GRID2: variants seen among roughly 807,000 people sequenced by gnomAD.
The protein encoded by GRID2 is glutamate ionotropic receptor delta type subunit 2.
In GRID2, 33 loss-of-function variants were observed where a neutral mutation model predicts 114.8. The observed-to-expected ratio is 0.29, with a 90% CI of 0.22 to 0.38. GRID2 has a LOEUF of 0.38. Among genes scored for constraint, GRID2 ranks in the 10% least tolerant of loss-of-function variants. GRID2 has a pLI of 1.00. For missense variants in GRID2, 1,184 were observed against 1,257.7 expected (o/e 0.94, Z 0.89); for synonymous variants, 505 against 449.9 (o/e 1.12, Z -1.55).
chr4:92,869,622 C>G (rs1202462655), intron 2 of GRID2, among the ~76,000 whole-genome samples: 1 of 152,034 alleles, frequency 6.6e-6, no homozygotes, highest in Non-Finnish European at 1.5e-5. Flanking sequence ...CTTATAAAGC[C>G]CGACATTATC....
chr4:92,657,491 C>T (rs1241142390), intron 2 of GRID2, among the ~76,000 whole-genome samples: 1 of 151,262 alleles, frequency 6.6e-6, no homozygotes, highest in Non-Finnish European at 1.5e-5. Flanking sequence ...TAATGTTTTA[C>T]AAATATGTAT....
rs145773532 is a variant in GRID2 at position 93,285,379 on chromosome 4, A to T, written c.1245+46889A>T. Among the ~76,000 whole-genome samples, 55 of 152,234 alleles carry T rather than the reference A, an allele frequency of 3.6e-4. No individual in the cohort carries two copies. The East Asian group carries it at 8.9e-3, about 25-fold the overall frequency. On this transcript the variant is annotated intron_variant, in intron 8 of 15. Coordinates refer to ENST00000282020, the MANE Select transcript of GRID2 (RefSeq NM_001510.4). ...TTTTATATTTCTGTGTAAGAAAAAT[A>T]GTGAATCTTTTCTATATAAACCTTT...
At chr4:92,343,359 T>C (rs1286854380) in intron 1 of GRID2, among the ~76,000 whole-genome samples, 1 of 151,974 alleles carries the variant, frequency 6.6e-6, no homozygotes, top group African/African-American at 2.4e-5. Flanking sequence ...ATACACATTA[T>C]AAATGTACAC....
chr4:93,487,705 G>A (rs917582876), intron 11 of GRID2, among the ~76,000 whole-genome samples: 22 of 151,784 alleles, frequency 1.4e-4, no homozygotes, highest in Non-Finnish European at 2.4e-4. Flanking sequence ...GCCCCTCAGG[G>A]AAAACCATTT....
chr4:92,589,990 A>G (rs571669670), intron 1 of GRID2, 141 bp from the exon 2 acceptor site: 2 of 605,130 alleles, frequency 3.3e-6, no homozygotes, highest in Admixed American at 3.0e-5. Flanking sequence ...TTCCAGTACA[A>G]TGTGTTTCAT....
At chr4:93,071,814 T>A (rs149154029) in intron 2 of GRID2, among the ~76,000 whole-genome samples, 25 of 152,298 alleles carry the variant, frequency 1.6e-4, no homozygotes, top group African/African-American at 6.0e-4. Context: ...TTTCTTTATG[T>A]AGTGTGTGTG....
intron 1 of GRID2, among the ~76,000 whole-genome samples, chr4:92,510,804 G>A (rs1018195238): frequency 6.7e-6 from 1 of 149,200 alleles, no homozygotes; most frequent in Admixed American, 6.7e-5. Flanking sequence ...GCATATATAC[G>A]TATTAAAACA....
intron 4 of GRID2, among the ~76,000 whole-genome samples, chr4:93,183,901 T>G (rs2149438759): frequency 6.6e-6 from 1 of 152,300 alleles, no homozygotes; most frequent in Non-Finnish European, 1.5e-5. Context: ...AACTGATTTT[T>G]AAGTGTCCAC....
chr4:93,429,496 A>G (rs1485022), intron 10 of GRID2, among the ~76,000 whole-genome samples: 1 of 150,684 alleles, frequency 6.6e-6, no homozygotes, highest in African/African-American at 2.5e-5. Flanking sequence ...TATAAAGAAC[A>G]TGACTGGTCG....
intron 14 of GRID2, among the ~76,000 whole-genome samples, chr4:93,646,612 A>C (rs1457213984): frequency 6.6e-6 from 1 of 152,128 alleles, no homozygotes; most frequent in Admixed American, 6.6e-5. Flanking sequence ...GTAGAGAAAG[A>C]TATATGGTGA....
intron 1 of GRID2, among the ~76,000 whole-genome samples, chr4:92,463,386 AT>A (rs768678387): frequency 6.6e-6 from 1 of 151,940 alleles, no homozygotes; most frequent in Admixed American, 6.6e-5. Flanking sequence ...TTTGACTAAC[AT>A]TTTTTGAACC....
At chr4:92,975,221 A>C (rs1753794735) in intron 2 of GRID2, among the ~76,000 whole-genome samples, 1 of 146,158 alleles carries the variant, frequency 6.8e-6, no homozygotes, top group Non-Finnish European at 1.5e-5. Context: ...ATGTGCATAT[A>C]TATAATATGT....
chr4:93,325,433 T>C (rs1264722323), intron 8 of GRID2, among the ~76,000 whole-genome samples: 2 of 152,078 alleles, frequency 1.3e-5, no homozygotes, highest in African/African-American at 2.4e-5. Context: ...GGTTCTATGA[T>C]AGACTATTCT....
intron 4 of GRID2, among the ~76,000 whole-genome samples, chr4:93,153,744 A>G (rs908198706): frequency 1.3e-5 from 2 of 152,116 alleles, no homozygotes; most frequent in African/African-American, 4.8e-5. Flanking sequence ...GTTCTCCTTA[A>G]TAAGTTCTTA....
intron 10 of GRID2, among the ~76,000 whole-genome samples, chr4:93,432,108 T>G (rs1282536362): frequency 6.6e-6 from 1 of 152,100 alleles, no homozygotes; most frequent in Non-Finnish European, 1.5e-5. Flanking sequence ...GAAATAGACA[T>G]TGAGGAAAGG....
chr4:93,015,100 G>T (rs768668302), intron 2 of GRID2, among the ~76,000 whole-genome samples: 1 of 152,052 alleles, frequency 6.6e-6, no homozygotes, highest in Admixed American at 6.6e-5. Flanking sequence ...TGAGGTAAAC[G>T]AATCTCCCTA....
intron 4 of GRID2, among the ~76,000 whole-genome samples, chr4:93,169,706 G>T (rs539887468): frequency 1.3e-5 from 2 of 152,310 alleles, no homozygotes; most frequent in African/African-American, 2.4e-5. Context: ...AAAGCTCAAT[G>T]TGCCCACTTG....
chr4:92,670,309 C>G (rs1475811847), intron 2 of GRID2, among the ~76,000 whole-genome samples: 1 of 152,012 alleles, frequency 6.6e-6, no homozygotes, highest in Non-Finnish European at 1.5e-5. Context: ...GCAAACTGAT[C>G]ATTAAAGCAG....
At chr4:92,773,087 T>C (rs777343654) in intron 2 of GRID2, among the ~76,000 whole-genome samples, 6 of 152,216 alleles carry the variant, frequency 3.9e-5, no homozygotes, top group Non-Finnish European at 8.8e-5. Context: ...ACTTGTTAAA[T>C]ATCCATTAGA....
Sources: allele counts gnomAD v4.1 joint callset (sites outside exome capture counted in the v4.1 genomes callset), GRCh38; gene constraint gnomAD v4.1.1; transcripts MANE v1.5; gene names NCBI Gene and HGNC (gene_info 2026-07-23, HGNC 2026-07-21).